Variants in CAMK1D observed in about 807,000 individuals in gnomAD.
CAMK1D encodes calcium/calmodulin-dependent protein kinase type 1D.
In CAMK1D, 9 loss-of-function variants were observed where a neutral mutation model predicts 47.7. The ratio of observed to expected loss-of-function variants is 0.19; its 90% CI spans 0.11 to 0.33. The LOEUF (loss-of-function observed/expected upper bound fraction) is 0.33, where lower values mean the gene tolerates loss of function less well. CAMK1D is among the 10% of genes least tolerant of loss of function. CAMK1D has a pLI of 1.00. For synonymous variants in CAMK1D, 184 were observed against 184.9 expected (o/e 0.99, Z 0.04); for missense variants, 291 against 488.7 (o/e 0.60, Z 3.81).
At chr10:12,784,921 G>A (rs1012961495) in intron 5 of CAMK1D, among the ~76,000 whole-genome samples, 12 of 152,310 alleles carry the variant, frequency 7.9e-5, no homozygotes, top group South Asian at 2.1e-4. Context: ...CTCCAGCAGC[G>A]TGAAATCTGA....
At chr10:12,545,980 C>T (rs1472564255) in intron 1 of CAMK1D, among the ~76,000 whole-genome samples, 6 of 152,062 alleles carry the variant, frequency 3.9e-5, no homozygotes, top group South Asian at 4.2e-4. Flanking sequence ...ATGTGTACGG[C>T]GTGGAGTGTT....
At chr10:12,623,026 C>T (rs1839046399) in intron 2 of CAMK1D, among the ~76,000 whole-genome samples, 1 of 148,574 alleles carries the variant, frequency 6.7e-6, no homozygotes, top group African/African-American at 2.5e-5. Context: ...CTCCCATCTG[C>T]CCTTCCCTTC....
chr10:12,694,463 A>G (rs1833158997), intron 3 of CAMK1D, among the ~76,000 whole-genome samples: 1 of 107,508 alleles, frequency 9.3e-6, no homozygotes, highest in African/African-American at 3.6e-5. Flanking sequence ...TATATGTTAT[A>G]TATCATATAT....
chr10:12,380,051 A>G (rs1838296314), intron 1 of CAMK1D, among the ~76,000 whole-genome samples: 1 of 151,770 alleles, frequency 6.6e-6, no homozygotes, highest in Non-Finnish European at 1.5e-5. Context: ...CGTCTCTACT[A>G]AAAATGCAAA....
At chr10:12,406,312 CA>C (rs1425490365) in intron 1 of CAMK1D, among the ~76,000 whole-genome samples, 1 of 151,996 alleles carries the variant, frequency 6.6e-6, no homozygotes, top group Non-Finnish European at 1.5e-5. Context: ...CGCCAAACAC[CA>C]AAACAAATTC....
chr10:12,698,888 G>A (rs571381211), intron 3 of CAMK1D, among the ~76,000 whole-genome samples: 1 of 152,052 alleles, frequency 6.6e-6, no homozygotes, highest in Admixed American at 6.5e-5. Flanking sequence ...GGCCAGGATG[G>A]TCTCGAGCTC....
intron 5 of CAMK1D, among the ~76,000 whole-genome samples, chr10:12,786,725 G>T (rs577726944): frequency 6.6e-6 from 1 of 152,154 alleles, no homozygotes; most frequent in Non-Finnish European, 1.5e-5. Context: ...TGTAGCCCAG[G>T]AACCTTTTCT....
At chr10:12,550,705 C>G (rs146664468) in intron 1 of CAMK1D, among the ~76,000 whole-genome samples, 43 of 152,158 alleles carry the variant, frequency 2.8e-4, no homozygotes, top group African/African-American at 9.9e-4. Context: ...AGGGGAGAAT[C>G]CTATGGGTGA....
rs368170335 is a variant in CAMK1D at position 12,553,374 on chromosome 10, A to G, written c.224+18A>G. ...CTGAGAAAGTAAGTGCTGGAGGGCA[A>G]CCCTCCTCCCTTCCCTACCTCCTGG... On this transcript the variant is annotated intron_variant, in intron 2 of 10. Coordinates refer to ENST00000619168, the MANE Select transcript of CAMK1D (RefSeq NM_153498.4). 10 of 1,568,232 alleles carry G rather than the reference A, an allele frequency of 6.4e-6. No homozygotes were observed. The Admixed American group carries it at 6.7e-5, about 10-fold the overall frequency.
At chr10:12,462,127 G>A (rs1234594537) in intron 1 of CAMK1D, among the ~76,000 whole-genome samples, 5 of 146,090 alleles carry the variant, frequency 3.4e-5, no homozygotes, top group African/African-American at 1.3e-4. Context: ...ATTACTAAAT[G>A]GATAATTTGA....
Position 12,698,381 on chromosome 10 carries a change from C to T in CAMK1D, c.299+31571C>T, listed in dbSNP as rs191896844. ...CTCTGAGAACACATTTTTATAACCT[C>T]GTTTTATATATGTCAATACATAACC... On this transcript the variant is annotated intron_variant, in intron 3 of 10. Transcript: ENST00000619168. Among the ~76,000 whole-genome samples, 43 of 152,200 alleles carry T rather than the reference C, an allele frequency of 2.8e-4. No individual in the cohort carries two copies. The East Asian group carries it at 6.2e-3, about 22-fold the overall frequency.
intron 5 of CAMK1D, among the ~76,000 whole-genome samples, chr10:12,790,878 C>T (rs565439210): frequency 2.0e-5 from 3 of 152,076 alleles, no homozygotes; most frequent in Admixed American, 2.0e-4. Flanking sequence ...CACCTGTGGT[C>T]CCAATTACTT....
chr10:12,645,032 A>T (rs1163992288), intron 2 of CAMK1D, among the ~76,000 whole-genome samples: 1 of 150,206 alleles, frequency 6.7e-6, no homozygotes, highest in African/African-American at 2.4e-5. Flanking sequence ...TTGCTTTCTT[A>T]GCATATCTCA....
At chr10:12,729,786 C>T (rs1023226137) in intron 3 of CAMK1D, among the ~76,000 whole-genome samples, 14 of 152,114 alleles carry the variant, frequency 9.2e-5, no homozygotes, top group African/African-American at 3.4e-4. Context: ...AAGAGCATTG[C>T]AGGCAGGGGG....
intron 1 of CAMK1D, among the ~76,000 whole-genome samples, chr10:12,513,749 C>T (rs1010120983): frequency 3.3e-5 from 5 of 152,196 alleles, no homozygotes; most frequent in South Asian, 2.1e-4. Flanking sequence ...TTCAGTGGGC[C>T]GTGATCATGC....
intron 3 of CAMK1D, among the ~76,000 whole-genome samples, chr10:12,700,954 G>A (rs996022532): frequency 4.6e-5 from 7 of 152,148 alleles, no homozygotes; most frequent in African/African-American, 1.2e-4. Flanking sequence ...TATGTATAAA[G>A]CATAAAATTT....
At chr10:12,765,587 G>A (rs1405671533) in intron 4 of CAMK1D, among the ~76,000 whole-genome samples, 4 of 152,226 alleles carry the variant, frequency 2.6e-5, no homozygotes, top group African/African-American at 7.2e-5. Context: ...TTCCACCCGC[G>A]TGATCTCATC....
At chr10:12,461,292 G>A (rs1185824119) in intron 1 of CAMK1D, among the ~76,000 whole-genome samples, 1 of 152,176 alleles carries the variant, frequency 6.6e-6, no homozygotes, top group Non-Finnish European at 1.5e-5. Context: ...TTTCTAGGCA[G>A]GAAATAAGAA....
At chr10:12,488,626 T>C (rs1456716863) in intron 1 of CAMK1D, among the ~76,000 whole-genome samples, 1 of 152,212 alleles carries the variant, frequency 6.6e-6, no homozygotes. Context: ...GAGATAATTC[T>C]ACAACTCACC....
Sources: gnomAD v4.1 joint callset for allele counts (sites outside exome capture counted in the v4.1 genomes callset) on GRCh38, gnomAD v4.1.1 for gene constraint, MANE v1.5 for transcripts, NCBI Gene and HGNC (gene_info 2026-07-23, HGNC 2026-07-21) for gene names.